DNM1L: variants seen among roughly 807,000 people sequenced by gnomAD.
The protein encoded by DNM1L is dynamin-1-like protein.
Under a neutral mutation model 92.8 loss-of-function variants are expected in DNM1L, and 33 were observed. That is an observed-to-expected ratio of 0.36 (90% CI 0.27 to 0.48). DNM1L has a LOEUF of 0.48. Among genes scored for constraint, DNM1L ranks in the 20% least tolerant of loss-of-function variants. The probability of loss-of-function intolerance (pLI) is 0.99; values close to 1 mark genes in which losing one functional copy is unlikely to be tolerated. For missense variants in DNM1L, 485 were observed against 888.8 expected (o/e 0.55, Z 5.78); for synonymous variants, 284 against 305.0 (o/e 0.93, Z 0.72).
intron 4 of DNM1L, among the ~76,000 whole-genome samples, chr12:32,710,026 A>G (rs1301735184): frequency 6.6e-6 from 1 of 152,132 alleles, no homozygotes; most frequent in Non-Finnish European, 1.5e-5. Context: ...ATTAAAGGCT[A>G]AAGAAGGGCA....
At chr12:32,714,995 G>A (rs1037653182) in intron 6 of DNM1L, among the ~76,000 whole-genome samples, 5 of 151,866 alleles carry the variant, frequency 3.3e-5, no homozygotes, top group Admixed American at 2.0e-4. Context: ...CCAGACCTTC[G>A]TAAAAAACAA....
intron 1 of DNM1L, chr12:32,679,758 C>T: frequency 1.8e-6 from 2 of 1,094,852 alleles, no homozygotes; most frequent in Non-Finnish European, 1.1e-6. Flanking sequence ...ATGGGGCCGG[C>T]GGGCGGAACT....
chr12:32,741,637 C>A (rs1023103987), intron 18 of DNM1L, among the ~76,000 whole-genome samples: 20 of 152,180 alleles, frequency 1.3e-4, no homozygotes, highest in Admixed American at 2.6e-4. Context: ...AGTATAGTCA[C>A]GCACCACATA....
intron 18 of DNM1L, 121 bp from the exon 19 acceptor site, chr12:32,742,468 A>T: frequency 8.1e-7 from 1 of 1,233,560 alleles, no homozygotes; most frequent in Non-Finnish European, 1.2e-6. Context: ...TTATGCCATT[A>T]ATGAAATATC....
intron 6 of DNM1L, among the ~76,000 whole-genome samples, chr12:32,717,896 A>G (rs1368573816): frequency 5.0e-5 from 5 of 100,772 alleles, no homozygotes; most frequent in South Asian, 2.6e-4. Context: ...TATATATACT[A>G]TATATAGTAT....
intron 6 of DNM1L, among the ~76,000 whole-genome samples, chr12:32,715,650 T>C (rs1293548405): frequency 1.3e-5 from 2 of 152,034 alleles, no homozygotes; most frequent in African/African-American, 4.8e-5. Flanking sequence ...GAGAATCACT[T>C]GAACTGTGGA....
intron 1 of DNM1L, among the ~76,000 whole-genome samples, chr12:32,693,743 TC>T (rs2137261219): frequency 6.6e-6 from 1 of 152,140 alleles, no homozygotes; most frequent in South Asian, 2.1e-4. Context: ...GCTCAAGTGA[TC>T]CATCTGTCTA....
chr12:32,680,066 AAAAC>A (rs1467917035), intron 1 of DNM1L: 3 of 940,262 alleles, frequency 3.2e-6, no homozygotes, highest in Non-Finnish European at 3.8e-6. Context: ...TAAAAAAAGA[AAAAC>A]AAAACGTGTA....
rs375323606 is a variant in DNM1L, at chr12:32,718,543, G to T, written c.620-100G>T. 6.5e-5 allele frequency: 94 copies of T among 1,457,188 alleles called. 1 individual carries two copies. The East Asian group carries it at 8.5e-4, about 13-fold the overall frequency. 90.3% of individuals were successfully genotyped at this position (1,457,188 alleles called of 1,614,324 possible). ...TGATGACAGAGGTAATACTAAGTGG[G>T]ATTGTAGATGAGGGTTTTCCTTTAT... is the stretch of plus-strand genomic sequence containing the variant. On this transcript the variant is annotated intron_variant, in intron 6 of 19. Transcript: ENST00000549701.
rs141185042 is a variant in DNM1L at position 32,707,409 on chromosome 12, A to T, written c.293A>T (p.Asn98Ile). Residue 98 changes from asparagine to isoleucine, a missense_variant, in exon 3 of 20, where the codon AAT (asparagine) becomes ATT (isoleucine). Physicochemically the swap from Asn to Ile is moderately radical, Grantham distance 149 (BLOSUM62 -3). This residue lies in a region of DNM1L where 159 missense variants were observed against 275.9 expected (regional missense o/e 0.58). Coordinates refer to ENST00000549701, the MANE Select transcript of DNM1L (RefSeq NM_012062.5). ...TGGGGTAAATTTCTTCACACCAAAA[A>T]TAAGGTAATCACACATGCATATAAT... ...EEWGKFLHTK[N>I]KLYTDFDEIR... is the part of the protein sequence containing the mutation. 1.9e-6 allele frequency: 3 copies of T among 1,604,380 alleles called. No homozygotes were observed. Among genetic ancestry groups the T allele is most frequent in the Non-Finnish European group, 2.6e-6 (3 of 1,175,612 alleles).
chr12:32,722,571 A>G lies in DNM1L; in HGVS notation c.1017A>G (p.Lys339=). The change falls in exon 9 of 20, where the codon AAA becomes AAG. Residue 339 remains lysine (K), a synonymous_variant. Transcript: ENST00000549701. ...KSATLLQLIT[K]FATEYCNTIE... ...CTACTTTACTCCAACTTATTACCAAATTTGCCACAGAATATTGTAACACTA... is the reference window on the plus strand; with the variant it reads ...CTACTTTACTCCAACTTATTACCAAGTTTGCCACAGAATATTGTAACACTA... 6.2e-7 allele frequency: 1 copy of G among 1,613,408 alleles called. No homozygotes were observed. Among genetic ancestry groups the G allele is most frequent in the Non-Finnish European group, 8.5e-7 (1 of 1,179,978 alleles).
intron 9 of DNM1L, among the ~76,000 whole-genome samples, chr12:32,730,480 A>G (rs1277759474): frequency 2.0e-5 from 3 of 152,226 alleles, no homozygotes; most frequent in East Asian, 1.9e-4. Flanking sequence ...AGGCGGGCGG[A>G]TCACTTGAGG....
rs553769638 is a variant in DNM1L, at chr12:32,716,995, C to T, written c.620-1648C>T. On this transcript the variant is annotated intron_variant, in intron 6 of 19. Transcript: ENST00000549701. ...ATGACTACACCACTCCCACCAGCAA[C>T]GTGTGAGAGTTCCAACTGCTCTGCA... Among the ~76,000 whole-genome samples the T allele has an allele frequency of 4.7e-3, 671 of 143,772 alleles. 2 individuals are homozygous for T. The highest frequency in any genetic ancestry group is 7.9e-3 in the Non-Finnish European group (528 of 66,622). The allele number at this position is 143,772 out of a possible 152,430, so 94.3% of individuals were successfully genotyped here.
At chr12:32,739,844 T>C (rs1955158166) in intron 16 of DNM1L, 1 of 565,912 alleles carries the variant, frequency 1.8e-6, no homozygotes, top group Non-Finnish European at 3.1e-6. Flanking sequence ...AGTTGGTTGA[T>C]GCCTTGCAAA....
At chr12:32,743,245 G>A in intron 19 of DNM1L, 109 bp from the exon 20 acceptor site, 1 of 943,846 alleles carries the variant, frequency 1.1e-6, no homozygotes, top group Non-Finnish European at 1.6e-6. Flanking sequence ...AGTATAAACT[G>A]GTTAGTTATA....
Position 32,711,024 on chromosome 12 carries a change from G to GTATT in DNM1L, c.456+9_456+10insTATT, listed in dbSNP as rs772126814. On this transcript the variant is annotated intron_variant, in intron 5 of 19. Coordinates refer to ENST00000549701, the MANE Select transcript of DNM1L (RefSeq NM_012062.5). Reference sequence around the variant, plus strand: ...TGCCAGGAATGACCAAGGTAAGGAAGGAATAGTTGTAGATTTGGTCAGGTT... The same window carrying GTATT: ...TGCCAGGAATGACCAAGGTAAGGAAGTATTGAATAGTTGTAGATTTGGTCAGGTT... 14 of 1,612,190 alleles carry GTATT rather than the reference G, an allele frequency of 8.7e-6. No homozygotes were observed. Among genetic ancestry groups the GTATT allele is most frequent in the Admixed American group, 5.0e-5 (3 of 60,000 alleles).
rs28711963 is a variant in DNM1L at position 32,717,122 on chromosome 12, A to T, written c.620-1521A>T. Among the ~76,000 whole-genome samples, 302 of 91,754 alleles carry T rather than the reference A, an allele frequency of 3.3e-3. 4 individuals carry two copies. Among genetic ancestry groups the T allele is most frequent in the South Asian group, 0.025 (91 of 3,616 alleles). The allele number at this position is 91,754 out of a possible 152,430, so 60.2% of individuals were successfully genotyped here. ...TATTTTATATATTTATATATATTTT[A>T]TATATATACCTATGTATATATATTT... On this transcript the variant is annotated intron_variant, in intron 6 of 19. Coordinates refer to ENST00000549701, the MANE Select transcript of DNM1L (RefSeq NM_012062.5).
intron 1 of DNM1L, 65 bp downstream of exon 1, chr12:32,679,530 C>A: frequency 6.6e-7 from 1 of 1,509,974 alleles, no homozygotes; most frequent in Non-Finnish European, 9.1e-7. Flanking sequence ...GGTGCTGCGG[C>A]AGTGCCCACT....
intron 6 of DNM1L, 122 bp downstream of exon 6, chr12:32,713,493 G>C: frequency 9.0e-7 from 1 of 1,112,318 alleles, no homozygotes; most frequent in Admixed American, 2.1e-5. Context: ...AAAAGATAAT[G>C]CTTTCCTATT....
Sources: allele counts gnomAD v4.1 joint callset (sites outside exome capture counted in the v4.1 genomes callset), GRCh38; gene constraint gnomAD v4.1.1; regional missense constraint gnomAD v4.1.1; transcripts MANE v1.5; gene names NCBI Gene and HGNC (gene_info 2026-07-23, HGNC 2026-07-21).